ZSCAN25: variants seen among roughly 807,000 people sequenced by gnomAD.
The protein encoded by ZSCAN25 is zinc finger and SCAN domain-containing protein 25.
Under a neutral mutation model 38.7 loss-of-function variants are expected in ZSCAN25, and 27 were observed. The ratio of observed to expected loss-of-function variants is 0.70; its 90% confidence interval spans 0.51 to 0.96. The LOEUF (loss-of-function observed/expected upper bound fraction) is 0.96, where lower values mean the gene tolerates loss of function less well. ZSCAN25 is among the 40% of genes least tolerant of loss of function. ZSCAN25 has a pLI of 0.00. For missense variants in ZSCAN25, 637 were observed against 705.9 expected, an observed-to-expected ratio of 0.90 and a Z score of 1.11; for synonymous variants, 273 against 277.7, an observed-to-expected ratio of 0.98 and a Z score of 0.17.
At chr7:99,733,453 A>G in the ZSCAN25 span, among the ~76,000 whole-genome samples, 4 of 152,144 alleles carry the variant, frequency 2.6e-5, no homozygotes, top group East Asian at 1.9e-4. Flanking sequence ...AAAATCCATC[A>G]TCTATTGCAT....
chr7:99,674,539 AT>A, the ZSCAN25 span: 1 of 1,613,648 alleles, frequency 6.2e-7, no homozygotes, highest in South Asian at 1.1e-5. Context: ...TCACCCCCAC[AT>A]TTTTCCATAC....
the ZSCAN25 span, chr7:99,672,947 A>G: frequency 4.1e-5 from 49 of 1,205,550 alleles, no homozygotes; most frequent in Non-Finnish European, 4.9e-5. Context: ...TAAAGAGATT[A>G]TGGTTAGAAA....
At chr7:99,718,754 A>G in the ZSCAN25 span, among the ~76,000 whole-genome samples, 1 of 152,236 alleles carries the variant, frequency 6.6e-6, no homozygotes, top group South Asian at 2.1e-4. Flanking sequence ...AATGTATAAA[A>G]TCTCAAGAAT....
chr7:99,665,153 A>G, the ZSCAN25 span: 1 of 1,576,376 alleles, frequency 6.3e-7, no homozygotes, highest in Non-Finnish European at 8.6e-7. Flanking sequence ...GAAAGAAATA[A>G]TAGCCCACAT....
chr7:99,624,299 A>G, intron 7 of ZSCAN25, 119 bp downstream of exon 7: 1 of 1,340,826 alleles, frequency 7.5e-7, no homozygotes. Context: ...AGGCGGGTAA[A>G]TGGGTCCAGC....
At chr7:99,693,607 C>T in the ZSCAN25 span, among the ~76,000 whole-genome samples, 1 of 152,244 alleles carries the variant, frequency 6.6e-6, no homozygotes, top group African/African-American at 2.4e-5. Context: ...CTACTCAAGC[C>T]TCAGCAATGG....
downstream of ZSCAN25, among the ~76,000 whole-genome samples, chr7:99,633,332 T>G (rs749517295): frequency 6.6e-6 from 1 of 152,240 alleles, no homozygotes; most frequent in African/African-American, 2.4e-5. Context: ...TTTAGAAGCC[T>G]AGATCTGCTT....
chr7:99,629,485 A>G lies in ZSCAN25; in HGVS notation c.1100A>G (p.Gln367Arg). The G allele has an allele frequency of 6.2e-7, 1 of 1,614,238 alleles. No individual in the cohort carries two copies. The highest frequency in any genetic ancestry group is 1.1e-5 in the South Asian group (1 of 91,088). ...FSRSSNLVRH[Q>R]RTHEEKSYGC... is the part of the protein sequence containing the mutation. ...CGGAGCTCCAATCTCGTCAGGCACC[A>G]GCGAACCCACGAAGAGAAGTCTTAT... Residue 367 changes from glutamine (Q) to arginine (R), a missense_variant, in exon 8 of 8, where the codon CAG becomes CGG. Physicochemically the swap from Gln to Arg is conservative, Grantham distance 43. Transcript: ENST00000394152. This position sits in a 1 kb window ranked among gnomAD's most constrained non-coding sequence, Gnocchi z 5.6.
the ZSCAN25 span, chr7:99,717,500 A>T: frequency 6.8e-6 from 11 of 1,612,686 alleles, no homozygotes; most frequent in Admixed American, 1.5e-4. Flanking sequence ...TTAAGTTTCT[A>T]ATTAAAACCC....
chr7:99,708,939 C>A, the ZSCAN25 span: 4 of 1,369,042 alleles, frequency 2.9e-6, no homozygotes, highest in African/African-American at 5.7e-5. Context: ...AAAAGACAAG[C>A]AAACGATTGT....
chr7:99,715,597 G>T, the ZSCAN25 span: 1 of 1,276,182 alleles, frequency 7.8e-7, no homozygotes, highest in Non-Finnish European at 1.1e-6. Context: ...TGACAGAAGT[G>T]TTTTAAAGTT....
chr7:99,715,986 A>G, the ZSCAN25 span: 1 of 1,610,540 alleles, frequency 6.2e-7, no homozygotes. Flanking sequence ...GGAAATCCAC[A>G]TGTCCAGTCA....
Position 99,627,454 on chromosome 7 carries a change from T to C in ZSCAN25, c.806-1737T>C, listed in dbSNP as rs552266091. On this transcript the variant is annotated intron_variant, in intron 7 of 7. Coordinates refer to ENST00000394152, the MANE Select transcript of ZSCAN25 (RefSeq NM_145115.3). ...ATCTGTATATCTATCTATATATACATACACACACACACATACATATACTCA... is the reference window on the plus strand; with the variant it reads ...ATCTGTATATCTATCTATATATACACACACACACACACATACATATACTCA... Among the ~76,000 whole-genome samples the C allele has an allele frequency of 2.6e-5, 4 of 151,978 alleles. No individual in the cohort carries two copies. The South Asian group carries it at 8.3e-4, about 32-fold the overall frequency.
At chr7:99,705,410 T>G in the ZSCAN25 span, 2 of 1,435,122 alleles carry the variant, frequency 1.4e-6, no homozygotes, top group Non-Finnish European at 2.0e-6. Flanking sequence ...CCCGTCTTCA[T>G]TTCAGGGTTC....
At chr7:99,664,176 G>A in the ZSCAN25 span, 2 of 1,145,312 alleles carry the variant, frequency 1.7e-6, no homozygotes, top group Non-Finnish European at 1.3e-6. Context: ...TTCTCTACCA[G>A]TAATAAGAAT....
At chr7:99,666,435 C>T in the ZSCAN25 span, among the ~76,000 whole-genome samples, 1 of 152,160 alleles carries the variant, frequency 6.6e-6, no homozygotes, top group Non-Finnish European at 1.5e-5. Flanking sequence ...TGCTGACTTG[C>T]CGCCTCATGG....
At chr7:99,652,715 A>T in the ZSCAN25 span, 2 of 1,614,092 alleles carry the variant, frequency 1.2e-6, no homozygotes, top group Non-Finnish European at 1.7e-6. Context: ...GAATAATCTG[A>T]GTGTTTCATT....
the ZSCAN25 span, chr7:99,662,961 C>T: frequency 7.6e-6 from 12 of 1,588,510 alleles, no homozygotes; most frequent in Non-Finnish European, 1.0e-5. This position sits in a 1 kb window ranked among gnomAD's most constrained non-coding sequence, Gnocchi z 4.3. Flanking sequence ...AGTCCTCAAC[C>T]TCCCTTCTTG....
chr7:99,637,622 G>A, the ZSCAN25 span, among the ~76,000 whole-genome samples: 1 of 152,132 alleles, frequency 6.6e-6, no homozygotes, highest in African/African-American at 2.4e-5. Context: ...AGGTGCAACT[G>A]GAACATATTA....
Sources: allele counts gnomAD v4.1 joint callset (sites outside exome capture counted in the v4.1 genomes callset), GRCh38; gene constraint gnomAD v4.1.1; non-coding constraint Gnocchi (gnomAD v3.1); transcripts MANE v1.5; gene names NCBI Gene and HGNC (gene_info 2026-07-23, HGNC 2026-07-21).